NKIRAS1: variants seen among roughly 807,000 people sequenced by gnomAD.
NKIRAS1 encodes the protein NFKB inhibitor interacting Ras like 1.
In NKIRAS1, 16 loss-of-function variants were observed where a neutral mutation model predicts 19.8. The observed-to-expected ratio is 0.81, with a 90% CI of 0.55 to 1.23. The LOEUF is 1.23. Ranked by LOEUF, NKIRAS1 falls within the 50% of genes most tolerant of loss-of-function variation. NKIRAS1 has a pLI of 0.00. For missense variants in NKIRAS1, 184 were observed against 220.0 expected, an observed-to-expected ratio of 0.84 and a Z score of 1.04; for synonymous variants, 88 against 79.0, an observed-to-expected ratio of 1.11 and a Z score of -0.61.
intron 3 of NKIRAS1, among the ~76,000 whole-genome samples, chr3:23,905,396 T>C (rs1702920343): frequency 1.3e-5 from 2 of 152,236 alleles, no homozygotes; most frequent in Admixed American, 1.3e-4. Context: ...TTATAATTAT[T>C]AAACCATATA....
At chr3:23,916,758 G>A (rs987059394) in intron 1 of NKIRAS1, 26 bp downstream of exon 1, 3 of 151,578 alleles carry the variant, frequency 2.0e-5, no homozygotes, top group African/African-American at 4.9e-5. Context: ...TCCGCAGGGG[G>A]AGAGCCCGCG....
intron 3 of NKIRAS1, among the ~76,000 whole-genome samples, chr3:23,902,157 C>T (rs2125383754): frequency 6.6e-6 from 1 of 152,258 alleles, no homozygotes; most frequent in East Asian, 1.9e-4. Context: ...CCTATACCCC[C>T]CCCAATCATA....
At position 23,890,603 on chromosome 3, in the gene NKIRAS1, A is replaced by C. The variant is rs1334403624; in HGVS notation, c.*2492T>G. 1 of 1,612,914 alleles carries C rather than the reference A, an allele frequency of 6.2e-7. No homozygotes were observed. The highest frequency in any genetic ancestry group is 8.5e-7 in the Non-Finnish European group (1 of 1,179,536). On this transcript the variant is annotated 3_prime_UTR_variant, in exon 5 of 5. Transcript: ENST00000425478. Reference sequence around the variant, plus strand: ...GACAGTGGACCAAGAGATACGCTACATAAATTGGGGTTTCACAATTCTTAC... The same window carrying C: ...GACAGTGGACCAAGAGATACGCTACCTAAATTGGGGTTTCACAATTCTTAC...
chr3:23,938,209 C>CTTTTTTTTTTTTTTTTTTTTTTT (rs11418287), intron 1 of NKIRAS1, among the ~76,000 whole-genome samples: 1 of 137,656 alleles, frequency 7.3e-6, no homozygotes. Flanking sequence ...AGTACAGTAC[C>CTTTTTTTTTTTTTTTTTTTTTTT]TTTTTTTTTT....
chr3:23,923,052 T>C (rs1705139751), intron 1 of NKIRAS1: 1 of 152,130 alleles, frequency 6.6e-6, no homozygotes, highest in Non-Finnish European at 1.5e-5. Flanking sequence ...AATCTTCCTG[T>C]CTCTGCTTCC....
chr3:23,920,603 C>T (rs1300267379), upstream of NKIRAS1: 1 of 984,918 alleles, frequency 1.0e-6, no homozygotes, highest in South Asian at 4.7e-5. Context: ...AAGGAATTGC[C>T]CAATTTTAAA....
upstream of NKIRAS1, chr3:23,920,428 A>C (rs370602530): frequency 1.0e-6 from 1 of 985,330 alleles, no homozygotes; most frequent in African/African-American, 1.7e-5. Context: ...TGTTCTGGCC[A>C]AACAACCCTA....
chr3:23,891,632 T>C lies in NKIRAS1; in HGVS notation c.*1463A>G, dbSNP rs1575053008. The C allele has an allele frequency of 6.6e-6, 1 of 152,312 alleles. No individual in the cohort carries two copies. Among genetic ancestry groups the C allele is most frequent in the East Asian group, 1.9e-4 (1 of 5,194 alleles). The allele number at this position is 152,312 out of a possible 1,614,324, so 9.4% of individuals were successfully genotyped here. ...TCATGGATAAATTGGTACCCTGCCT[T>C]AGGGGGCATTTTGGCAGTACATGTC... On this transcript the variant is annotated 3_prime_UTR_variant, in exon 5 of 5. Coordinates refer to ENST00000425478, the MANE Select transcript of NKIRAS1 (RefSeq NM_020345.4).
intron 1 of NKIRAS1, among the ~76,000 whole-genome samples, chr3:23,945,077 A>G (rs1439950295): frequency 6.6e-6 from 1 of 151,618 alleles, no homozygotes; most frequent in Admixed American, 6.6e-5. Context: ...GGTTTACGGC[A>G]CGGAGGGGAA....
At chr3:23,912,568 T>C (rs1340128197) in intron 1 of NKIRAS1, among the ~76,000 whole-genome samples, 3 of 152,038 alleles carry the variant, frequency 2.0e-5, no homozygotes, top group Non-Finnish European at 4.4e-5. Flanking sequence ...TGTGGAGAAA[T>C]AGGAACACTT....
intron 3 of NKIRAS1, among the ~76,000 whole-genome samples, chr3:23,901,335 C>G (rs982409054): frequency 1.1e-4 from 16 of 151,942 alleles, no homozygotes; most frequent in Admixed American, 9.8e-4. Context: ...ACTACAGGTG[C>G]CATCATGCCC....
upstream of NKIRAS1, chr3:23,920,176 A>G (rs567690775): frequency 2.7e-5 from 27 of 985,808 alleles, no homozygotes; most frequent in African/African-American, 4.2e-4. Context: ...CATTAGATAA[A>G]TACCTTTCAA....
intron 1 of NKIRAS1, among the ~76,000 whole-genome samples, chr3:23,924,902 A>G (rs1259270425): frequency 1.3e-5 from 2 of 152,230 alleles, no homozygotes; most frequent in African/African-American, 2.4e-5. Context: ...TTAAAATAAT[A>G]AAGATTTGTT....
chr3:23,894,935 G>A (rs1437931559), intron 4 of NKIRAS1, among the ~76,000 whole-genome samples: 5 of 152,180 alleles, frequency 3.3e-5, no homozygotes, highest in South Asian at 2.1e-4. Context: ...CACTGGCCAC[G>A]TAGATGCTGC....
upstream of NKIRAS1, chr3:23,920,095 A>G (rs1704989613): frequency 1.0e-6 from 1 of 985,798 alleles, no homozygotes. Context: ...TGAATGTGCG[A>G]TAAAATTATT....
chr3:23,900,781 T>TTTGGCA, intron 4 of NKIRAS1, 27 bp downstream of exon 4: 1 of 1,587,764 alleles, frequency 6.3e-7, no homozygotes, highest in Non-Finnish European at 8.6e-7. Flanking sequence ...ATAATTCACA[T>TTTGGCA]TTGGCATTTT....
upstream of NKIRAS1, chr3:23,919,589 G>C: frequency 7.0e-7 from 1 of 1,424,430 alleles, no homozygotes; most frequent in South Asian, 1.6e-5. Flanking sequence ...GTTAAAACTA[G>C]TCTGCAGATG....
chr3:23,918,405 A>G (rs1199180165), upstream of NKIRAS1: 15 of 1,605,004 alleles, frequency 9.3e-6, no homozygotes, highest in African/African-American at 1.3e-5. Context: ...ACGGCTTCCT[A>G]TAAAATCACT....
At chr3:23,930,837 G>A (rs1227329996) in intron 1 of NKIRAS1, among the ~76,000 whole-genome samples, 1 of 151,420 alleles carries the variant, frequency 6.6e-6, no homozygotes, top group Admixed American at 6.6e-5. Flanking sequence ...TGAGTAGCTG[G>A]GACTATAGGT....
Sources: allele counts gnomAD v4.1 joint callset (sites outside exome capture counted in the v4.1 genomes callset), GRCh38; gene constraint gnomAD v4.1.1; transcripts MANE v1.5; gene names NCBI Gene and HGNC (gene_info 2026-07-23, HGNC 2026-07-21).